The following DCAF6 variants were observed in gnomAD, a reference collection of about 807,000 sequenced individuals.
The protein encoded by DCAF6 is DDB1 and CUL4 associated factor 6.
In DCAF6, 54 loss-of-function variants were observed where a neutral mutation model predicts 125.1. The observed-to-expected ratio is 0.43, with a 90% CI of 0.35 to 0.54. The LOEUF (loss-of-function observed/expected upper bound fraction) is 0.54, where lower values mean the gene tolerates loss of function less well. Ranked by LOEUF, DCAF6 falls within the 20% of genes least tolerant of loss-of-function variation. The pLI, the probability that DCAF6 is intolerant of heterozygous loss-of-function variation, is 0.01. For missense variants in DCAF6, 934 were observed against 1,161.7 expected (o/e 0.80, Z 2.85); for synonymous variants, 371 against 390.4 (o/e 0.95, Z 0.58).
rs537211789 is a variant in DCAF6 at position 168,026,311 on chromosome 1, G to T, written c.1609+3264G>T. On this transcript the variant is annotated intron_variant, in intron 12 of 21. Coordinates refer to ENST00000367840, the MANE Select transcript of DCAF6 (RefSeq NM_001198956.2). ...TAAATAATATTCGTTAAACGAGTGAGTAAATGAATTCTTTAAGCAATTATT... is the reference window on the plus strand; with the variant it reads ...TAAATAATATTCGTTAAACGAGTGATTAAATGAATTCTTTAAGCAATTATT... Among the ~76,000 whole-genome samples the T allele has an allele frequency of 2.5e-3, 375 of 152,210 alleles. 4 individuals carry two copies. Among genetic ancestry groups the T allele is most frequent in the African/African-American group, 8.7e-3 (361 of 41,532 alleles).
At chr1:167,908,064 T>C in the DCAF6 span, among the ~76,000 whole-genome samples, 1 of 152,224 alleles carries the variant, frequency 6.6e-6, no homozygotes, top group Admixed American at 6.5e-5. Flanking sequence ...CATCTGGGTA[T>C]ATACCCAAAG....
chr1:167,993,131 A>T (rs1168765995), intron 6 of DCAF6, 95 bp from the exon 7 acceptor site: 1 of 1,074,224 alleles, frequency 9.3e-7, no homozygotes, highest in Non-Finnish European at 1.3e-6. Flanking sequence ...GTATTGCTAC[A>T]TTAAGTCACA....
At chr1:168,069,875 A>G (rs776501149) in intron 21 of DCAF6, among the ~76,000 whole-genome samples, 8 of 152,326 alleles carry the variant, frequency 5.3e-5, no homozygotes, top group Non-Finnish European at 8.8e-5. Context: ...ATTTTGTTCA[A>G]TAACAGCAAG....
intron 12 of DCAF6, among the ~76,000 whole-genome samples, chr1:168,033,478 G>C (rs1687399164): frequency 6.6e-6 from 1 of 151,806 alleles, no homozygotes; most frequent in South Asian, 2.1e-4. Context: ...ACCGCGCCCG[G>C]CTAATTTTTT....
intron 4 of DCAF6, among the ~76,000 whole-genome samples, chr1:167,986,680 A>G (rs1364835988): frequency 6.6e-6 from 1 of 152,144 alleles, no homozygotes; most frequent in Non-Finnish European, 1.5e-5. Context: ...TGAGAATCTA[A>G]TGCCATTGCT....
chr1:168,024,401 GTACT>G (rs1686067925), intron 12 of DCAF6, among the ~76,000 whole-genome samples: 3 of 152,236 alleles, frequency 2.0e-5, no homozygotes, highest in South Asian at 2.1e-4. Flanking sequence ...AAATATTGCT[GTACT>G]TACTTGGTGT....
chr1:167,900,593 C>T, the DCAF6 span, among the ~76,000 whole-genome samples: 8 of 151,824 alleles, frequency 5.3e-5, no homozygotes, highest in East Asian at 3.9e-4. Flanking sequence ...AGTGCAATGG[C>T]GCCATCTCGG....
chr1:167,875,466 G>A, the DCAF6 span, among the ~76,000 whole-genome samples: 2 of 152,176 alleles, frequency 1.3e-5, no homozygotes, highest in African/African-American at 2.4e-5. Flanking sequence ...CCCCTTTCTG[G>A]GGAGATCAGA....
chr1:168,022,875 T>TA, intron 11 of DCAF6, 113 bp from the exon 12 acceptor site: 1 of 920,016 alleles, frequency 1.1e-6, no homozygotes. Context: ...CCACAGTACT[T>TA]ACTTCTATTC....
chr1:167,916,408 T>C, the DCAF6 span, among the ~76,000 whole-genome samples: 8 of 152,204 alleles, frequency 5.3e-5, no homozygotes, highest in Admixed American at 1.3e-4. Context: ...GGTTTTACCA[T>C]GTTGGCCAGG....
chr1:167,982,397 A>G (rs1644414936), intron 4 of DCAF6, among the ~76,000 whole-genome samples: 1 of 151,944 alleles, frequency 6.6e-6, no homozygotes, highest in Non-Finnish European at 1.5e-5. Context: ...GCATGCAACC[A>G]CGCCCAGCTA....
At chr1:167,896,813 C>T in the DCAF6 span, 1 of 705,624 alleles carries the variant, frequency 1.4e-6, no homozygotes, top group Admixed American at 2.4e-5. Flanking sequence ...CACTTAAACA[C>T]CAAGACTATT....
the DCAF6 span, among the ~76,000 whole-genome samples, chr1:167,887,487 T>C: frequency 6.6e-6 from 1 of 151,950 alleles, no homozygotes; most frequent in Non-Finnish European, 1.5e-5. Flanking sequence ...TAGGTGGGAA[T>C]TGAACAATGA....
the DCAF6 span, among the ~76,000 whole-genome samples, chr1:167,909,775 C>T: frequency 6.6e-6 from 1 of 152,150 alleles, no homozygotes; most frequent in Non-Finnish European, 1.5e-5. Context: ...TCAGCCAACA[C>T]TTATTTTGTC....
chr1:167,985,638 A>G (rs1468016424), intron 4 of DCAF6, among the ~76,000 whole-genome samples: 1 of 152,192 alleles, frequency 6.6e-6, no homozygotes, highest in Non-Finnish European at 1.5e-5. Context: ...AGTATAAGGT[A>G]AAGTATTCGT....
chr1:168,064,038 T>A, intron 18 of DCAF6: 1 of 177,578 alleles, frequency 5.6e-6, no homozygotes, highest in African/African-American at 2.4e-5. Context: ...TTTCCCCCTC[T>A]CTTTCTCACA....
At chr1:167,943,704 C>G (rs1337617323) in intron 1 of DCAF6, among the ~76,000 whole-genome samples, 1 of 152,190 alleles carries the variant, frequency 6.6e-6, no homozygotes, top group Non-Finnish European at 1.5e-5. Context: ...TATCATTCCA[C>G]TCTGCATCTG....
the DCAF6 span, chr1:167,893,903 C>G: frequency 3.1e-6 from 5 of 1,613,514 alleles, no homozygotes; most frequent in Non-Finnish European, 4.2e-6. Flanking sequence ...ATCTCCAGTT[C>G]AGGATCAGGC....
chr1:167,974,006 T>A (rs1475563734), intron 3 of DCAF6, among the ~76,000 whole-genome samples: 1 of 152,150 alleles, frequency 6.6e-6, no homozygotes, highest in African/African-American at 2.4e-5. Flanking sequence ...CCAACAGTGT[T>A]TAAGAGTCTG....
Sources: allele counts gnomAD v4.1 joint callset (sites outside exome capture counted in the v4.1 genomes callset), GRCh38; gene constraint gnomAD v4.1.1; transcripts MANE v1.5; gene names NCBI Gene and HGNC (gene_info 2026-07-23, HGNC 2026-07-21).